The following PACS2 variants were observed in gnomAD, a reference collection of about 807,000 sequenced individuals.
PACS2 encodes the protein phosphofurin acidic cluster sorting protein 2, also known as PACS1-like protein.
In PACS2, 36 loss-of-function variants were observed where a neutral mutation model predicts 113.0. That is an observed-to-expected ratio of 0.32 (90% CI 0.24 to 0.42). PACS2 has a LOEUF of 0.42. Among genes scored for constraint, PACS2 ranks in the 10% least tolerant of loss-of-function variants. The pLI, the probability that PACS2 is intolerant of heterozygous loss-of-function variation, is 1.00. For missense variants in PACS2, 1,015 were observed against 1,239.5 expected (o/e 0.82, Z 2.72); for synonymous variants, 589 against 536.1 (o/e 1.10, Z -1.36).
upstream of PACS2, among the ~76,000 whole-genome samples, chr14:105,309,728 T>C (rs990641368): frequency 4.6e-5 from 7 of 151,612 alleles, no homozygotes; most frequent in Admixed American, 2.0e-4. The surrounding 1 kb of genome is among the most constrained non-coding windows in gnomAD (Gnocchi z 4.0). Context: ...CTTAGGTCTG[T>C]ATTAGGTCTA....
chr14:105,384,452 C>T lies in PACS2; in HGVS notation c.1880C>T (p.Ala627Val), dbSNP rs782249992. ...AWRDLFNKLE[A>V]QSAVQDTPDI... Reference sequence around the variant, plus strand: ...AGAGACCTGTTCAACAAGCTGGAGGCCCAGAGTGCGGGTGAGGCCCGGGCG... The same window carrying T: ...AGAGACCTGTTCAACAAGCTGGAGGTCCAGAGTGCGGGTGAGGCCCGGGCG... The change falls in exon 17 of 25, where the codon GCC (alanine) becomes GTC (valine). Residue 627 changes from alanine to valine, a missense_variant. Ala to Val is a moderately conservative substitution (Grantham distance 64, BLOSUM62 0). Coordinates refer to ENST00000447393, the MANE Select transcript of PACS2 (RefSeq NM_001100913.3). 1.9e-6 allele frequency: 3 copies of T among 1,609,148 alleles called. No individual in the cohort carries two copies. The highest frequency in any genetic ancestry group is 2.5e-6 in the Non-Finnish European group (3 of 1,177,370).
intron 7 of PACS2, 114 bp from the exon 8 acceptor site, chr14:105,369,727 G>GCCTT: frequency 1.2e-6 from 1 of 822,956 alleles, no homozygotes; most frequent in African/African-American, 1.7e-5. Flanking sequence ...TGGTGCTGAG[G>GCCTT]CCTTGCTGCT....
chr14:105,388,692 T>A (rs1304214227), intron 19 of PACS2: 7 of 152,212 alleles, frequency 4.6e-5, no homozygotes, highest in African/African-American at 1.7e-4. Context: ...CAACAGGTGC[T>A]CCTCTGCACT....
rs781856288 is a variant in PACS2 at position 105,382,842 on chromosome 14, C to T, written c.1554C>T (p.Pro518=). 28 of 1,606,686 alleles carry T rather than the reference C, an allele frequency of 1.7e-5. 1 individual carries two copies. Among genetic ancestry groups the T allele is most frequent in the East Asian group, 6.7e-5 (3 of 44,882 alleles). ...ACGTCCTGCAGAGGCACACGCTCCC[C>T]GTGGTGTGCACGTGCTCTCCTGCGG... ...LSDVLQRHTL[P]VVCTCSPADV... Residue 518 remains proline (P), a synonymous_variant, in exon 15 of 25, where the codon CCC becomes CCT. Transcript: ENST00000447393.
chr14:105,345,237 C>G (rs1171276469), intron 1 of PACS2, among the ~76,000 whole-genome samples: 1 of 152,156 alleles, frequency 6.6e-6, no homozygotes, highest in Non-Finnish European at 1.5e-5. Context: ...GAAACCCCGT[C>G]TCCACTAAAA....
At chr14:105,350,972 T>C (rs2060151756) in intron 2 of PACS2, among the ~76,000 whole-genome samples, 1 of 152,182 alleles carries the variant, frequency 6.6e-6, no homozygotes, top group Non-Finnish European at 1.5e-5. Context: ...GAGTCCGCCA[T>C]GGACGTCTCA....
intron 1 of PACS2, among the ~76,000 whole-genome samples, chr14:105,322,052 C>T (rs1269984031): frequency 6.6e-6 from 1 of 151,962 alleles, no homozygotes; most frequent in Admixed American, 6.6e-5. Context: ...ATTCTCCTGC[C>T]TCAGCCTCCC....
At chr14:105,342,699 C>T (rs970796144) in intron 1 of PACS2, among the ~76,000 whole-genome samples, 4 of 151,258 alleles carry the variant, frequency 2.6e-5, no homozygotes, top group South Asian at 4.2e-4. Context: ...TTCAGGAGGC[C>T]GAGGTGGGCG....
In PACS2 at chr14:105,348,798, A is replaced by C. The variant is rs2060040331; in HGVS notation, c.207+218A>C. ...GCAGGCCCGGCCTTCTGGGATGTGG[A>C]GGTCACATGCATGGGGCCTTCCCAG... is the stretch of plus-strand genomic sequence containing the variant. On this transcript the variant is annotated intron_variant, in intron 2 of 24. Transcript: ENST00000447393. The surrounding 1 kb of genome is among the most constrained non-coding windows in gnomAD (Gnocchi z 6.4). 1.9e-6 allele frequency: 1 copy of C among 529,256 alleles called. No individual in the cohort carries two copies. 32.8% of individuals were successfully genotyped at this position (529,256 alleles called of 1,614,324 possible).
intron 1 of PACS2, among the ~76,000 whole-genome samples, chr14:105,308,599 C>G (rs893763814): frequency 6.6e-6 from 1 of 151,152 alleles, no homozygotes; most frequent in Non-Finnish European, 1.5e-5. Context: ...TCTCCTGCCT[C>G]AGCCTTCTGA....
Position 105,391,776 on chromosome 14 carries a change from C to T in PACS2, c.2255+10C>T, listed in dbSNP as rs2081366185. 1.9e-6 allele frequency: 3 copies of T among 1,587,448 alleles called. No homozygotes were observed. Among genetic ancestry groups the T allele is most frequent in the Non-Finnish European group, 1.7e-6 (2 of 1,168,104 alleles). On this transcript the variant is annotated intron_variant, in intron 22 of 24. Transcript: ENST00000447393. The stretch of plus-strand genomic sequence containing the variant: ...GCCTGTCCTCCCCCAGGTAAAGGTG[C>T]CTCACGGCTCAGCACGTTTCACTTA...
At chr14:105,349,620 C>T (rs1170428973) in intron 2 of PACS2, among the ~76,000 whole-genome samples, 1 of 152,260 alleles carries the variant, frequency 6.6e-6, no homozygotes, top group Non-Finnish European at 1.5e-5. Context: ...AGGCCTGAGG[C>T]TTGTTGTCTG....
At chr14:105,306,654 G>A (rs1010122074) in intron 1 of PACS2, among the ~76,000 whole-genome samples, 2 of 151,742 alleles carry the variant, frequency 1.3e-5, no homozygotes, top group African/African-American at 4.8e-5. Flanking sequence ...CGCCCAGGCT[G>A]TAGTGCAATG....
rs1404583169 is a variant in PACS2 at position 105,366,386 on chromosome 14, C to G, written c.424-827C>G. Among the ~76,000 whole-genome samples, 8 of 152,186 alleles carry G rather than the reference C, an allele frequency of 5.3e-5. No individual in the cohort carries two copies. The highest frequency in any genetic ancestry group is 1.9e-4 in the African/African-American group (8 of 41,432). ...ATAAATAAATCTGGTCTATAAAATC[C>G]TAACATCTGGATGTGAACCGATAGC... On this transcript the variant is annotated intron_variant, in intron 4 of 24. Coordinates refer to ENST00000447393, the MANE Select transcript of PACS2 (RefSeq NM_001100913.3). The surrounding 1 kb of genome is among the most constrained non-coding windows in gnomAD (Gnocchi z 4.3).
Position 105,356,529 on chromosome 14 carries a change from G to A in PACS2, c.423+1352G>A, listed in dbSNP as rs1264309216. Reference sequence around the variant, plus strand: ...CCAGCCTCCCTCCTGCAGGCTGAGCGATGGGTGAACAGGTAGCTCAGGGAT... The same window carrying A: ...CCAGCCTCCCTCCTGCAGGCTGAGCAATGGGTGAACAGGTAGCTCAGGGAT... On this transcript the variant is annotated intron_variant, in intron 4 of 24. Transcript: ENST00000447393. The surrounding 1 kb of genome is among the most constrained non-coding windows in gnomAD (Gnocchi z 4.0). 2.6e-5 allele frequency among the ~76,000 whole-genome samples: 4 copies of A among 152,166 alleles called. No individual in the cohort carries two copies. Among genetic ancestry groups the A allele is most frequent in the East Asian group, 1.9e-4 (1 of 5,186 alleles).
In PACS2 at chr14:105,348,974, G is replaced by A. The variant is rs1242953627; in HGVS notation, c.207+394G>A. On this transcript the variant is annotated intron_variant, in intron 2 of 24. Transcript: ENST00000447393. This position sits in a 1 kb window ranked among gnomAD's most constrained non-coding sequence, Gnocchi z 6.4. ...GAGAGGGGAGCAGGGCACTCTGGGAGGCGAGGGCCTAGCCAGAACTCCCAG... is the reference window on the plus strand; with the variant it reads ...GAGAGGGGAGCAGGGCACTCTGGGAAGCGAGGGCCTAGCCAGAACTCCCAG... Among the ~76,000 whole-genome samples, 8 of 152,214 alleles carry A rather than the reference G, an allele frequency of 5.3e-5. No individual in the cohort carries two copies. The highest frequency in any genetic ancestry group is 1.9e-4 in the African/African-American group (8 of 41,460).
chr14:105,336,222 G>A (rs997803521), intron 1 of PACS2, among the ~76,000 whole-genome samples: 19 of 152,234 alleles, frequency 1.2e-4, no homozygotes, highest in African/African-American at 3.9e-4. Flanking sequence ...TGCTCTGTGC[G>A]CGCCCCCACC....
intron 9 of PACS2, among the ~76,000 whole-genome samples, chr14:105,377,889 C>T (rs1555410862): frequency 6.6e-6 from 1 of 152,222 alleles, no homozygotes; most frequent in African/African-American, 2.4e-5. Flanking sequence ...TGGTGGCTGC[C>T]CTGACTGGGG....
In PACS2 at chr14:105,355,566, C is replaced by T. The variant is rs1282689755; in HGVS notation, c.423+389C>T. 4.6e-5 allele frequency among the ~76,000 whole-genome samples: 7 copies of T among 152,222 alleles called. No homozygotes were observed. In the South Asian group the frequency reaches 1.0e-3, roughly 22 times the overall value. On this transcript the variant is annotated intron_variant, in intron 4 of 24. Transcript: ENST00000447393. The surrounding 1 kb of genome is among the most constrained non-coding windows in gnomAD (Gnocchi z 4.1). ...GTTCGTGTCTGCATCCTGCTCAGCACGTGCTCTGGCCCAGGATTGGCTGAG... is the reference window on the plus strand; with the variant it reads ...GTTCGTGTCTGCATCCTGCTCAGCATGTGCTCTGGCCCAGGATTGGCTGAG...
Sources: allele counts gnomAD v4.1 joint callset (sites outside exome capture counted in the v4.1 genomes callset), GRCh38; gene constraint gnomAD v4.1.1; non-coding constraint Gnocchi (gnomAD v3.1); transcripts MANE v1.5; gene names NCBI Gene and HGNC (gene_info 2026-07-23, HGNC 2026-07-21).